Variants in NAALADL2 observed in about 807,000 individuals in gnomAD.
NAALADL2 encodes N-acetylated alpha-linked acidic dipeptidase like 2.
NAALADL2 carries 76 observed loss-of-function variants against 87.2 expected under a neutral mutation model. The observed-to-expected ratio is 0.87, with a 90% CI of 0.72 to 1.05. The LOEUF is 1.05. Ranked by LOEUF, NAALADL2 falls within the 50% of genes least tolerant of loss-of-function variation. NAALADL2 has a pLI of 0.00. For missense variants in NAALADL2, 1,089 were observed against 945.8 expected (o/e 1.15, Z -1.99); for synonymous variants, 354 against 331.0 (o/e 1.07, Z -0.75).
intron 10 of NAALADL2, among the ~76,000 whole-genome samples, chr3:175,583,887 C>T (rs1396886286): frequency 6.6e-6 from 1 of 152,110 alleles, no homozygotes; most frequent in African/African-American, 2.4e-5. Flanking sequence ...ATGATAAAGG[C>T]AAGGTAGAGC....
chr3:175,791,825 A>G (rs1752817281), intron 13 of NAALADL2, among the ~76,000 whole-genome samples: 2 of 149,836 alleles, frequency 1.3e-5, no homozygotes, highest in East Asian at 4.0e-4. Context: ...CAGCACACCT[A>G]TTTTGTGCTG....
chr3:174,873,331 T>C (rs1157985739), intron 1 of NAALADL2, among the ~76,000 whole-genome samples: 4 of 152,024 alleles, frequency 2.6e-5, no homozygotes, highest in African/African-American at 9.7e-5. Flanking sequence ...CTTGGCTCAC[T>C]GCAACCTCCG....
At chr3:174,647,280 A>T (rs1451659970) in intron 2 of NAALADL2, among the ~76,000 whole-genome samples, 1 of 152,174 alleles carries the variant, frequency 6.6e-6, no homozygotes, top group Non-Finnish European at 1.5e-5. Context: ...ATCAAAACTG[A>T]GACTTGGTCT....
At chr3:175,013,162 A>C (rs1354451051) in intron 1 of NAALADL2, among the ~76,000 whole-genome samples, 1 of 126,974 alleles carries the variant, frequency 7.9e-6, no homozygotes, top group African/African-American at 2.8e-5. Context: ...TTTATATATA[A>C]ATATGTAATA....
intron 2 of NAALADL2, among the ~76,000 whole-genome samples, chr3:174,701,656 T>C (rs1307631214): frequency 1.4e-5 from 2 of 143,078 alleles, no homozygotes; most frequent in Non-Finnish European, 3.0e-5. Flanking sequence ...ACTTTTACTA[T>C]TGATTAGTTC....
chr3:175,479,344 C>T (rs947874192), intron 9 of NAALADL2, among the ~76,000 whole-genome samples: 7 of 151,690 alleles, frequency 4.6e-5, no homozygotes, highest in African/African-American at 1.2e-4. Flanking sequence ...TTTCCCAGTG[C>T]GCATTATGAA....
chr3:175,400,473 A>T, intron 5 of NAALADL2, among the ~76,000 whole-genome samples: 1 of 152,122 alleles, frequency 6.6e-6, no homozygotes, highest in Non-Finnish European at 1.5e-5. Flanking sequence ...AAAGTGAAAG[A>T]TAAATGGGAA....
At chr3:174,967,033 C>T (rs1216971039) in intron 1 of NAALADL2, among the ~76,000 whole-genome samples, 2 of 152,130 alleles carry the variant, frequency 1.3e-5, no homozygotes, top group Non-Finnish European at 2.9e-5. Context: ...ATAAGATAGA[C>T]AATAGTGCTA....
chr3:175,371,286 A>C (rs1766451470), intron 5 of NAALADL2, among the ~76,000 whole-genome samples: 2 of 151,962 alleles, frequency 1.3e-5, no homozygotes, highest in Admixed American at 6.6e-5. Context: ...TTATTTTTTG[A>C]GACGGAGTAC....
At chr3:175,168,085 G>C (rs1477817387) in intron 2 of NAALADL2, among the ~76,000 whole-genome samples, 1 of 151,698 alleles carries the variant, frequency 6.6e-6, no homozygotes, top group East Asian at 1.9e-4. Context: ...ATTATTTTTG[G>C]TATATGTGGG....
At chr3:174,978,941 T>C (rs1050471728) in intron 1 of NAALADL2, among the ~76,000 whole-genome samples, 1 of 152,292 alleles carries the variant, frequency 6.6e-6, no homozygotes, top group African/African-American at 2.4e-5. Context: ...GATAAATAAT[T>C]TCACAGGAAA....
In NAALADL2 at chr3:175,364,848, A is replaced by G. The variant is rs555638485; in HGVS notation, c.1090+40523A>G. Among the ~76,000 whole-genome samples, 188 of 148,096 alleles carry G rather than the reference A, an allele frequency of 1.3e-3. 12 individuals carry two copies. Among genetic ancestry groups the G allele is most frequent in the African/African-American group, 4.5e-3 (182 of 40,894 alleles). ...ATACTCAAAAGACAGATCACAAGTT[A>G]GTCAGTGGAGGAAAGGAGACATATC... On this transcript the variant is annotated intron_variant, in intron 5 of 13. Coordinates refer to ENST00000454872, the MANE Select transcript of NAALADL2 (RefSeq NM_207015.3).
At chr3:175,785,913 C>A (rs1751877110) in intron 13 of NAALADL2, among the ~76,000 whole-genome samples, 1 of 150,106 alleles carries the variant, frequency 6.7e-6, no homozygotes, top group Non-Finnish European at 1.5e-5. Context: ...GTGACAAAAT[C>A]TCTCAGCATT....
At chr3:175,086,640 A>G (rs1448773044) in intron 1 of NAALADL2, among the ~76,000 whole-genome samples, 1 of 152,080 alleles carries the variant, frequency 6.6e-6, no homozygotes, top group East Asian at 1.9e-4. Context: ...ATTTAGTTTC[A>G]TATCAGCATT....
At chr3:174,884,832 T>C (rs1010481679) in intron 1 of NAALADL2, among the ~76,000 whole-genome samples, 5 of 152,152 alleles carry the variant, frequency 3.3e-5, no homozygotes, top group African/African-American at 1.2e-4. Flanking sequence ...GGTGACACTC[T>C]CAACCTCATC....
chr3:174,863,341 T>G (rs73041785), intron 1 of NAALADL2, among the ~76,000 whole-genome samples: 2,976 of 152,182 alleles, frequency 0.02, 84 homozygotes, highest in African/African-American at 0.068. Context: ...AGTTTCTATA[T>G]TTATGGTCTT....
Position 175,037,022 on chromosome 3 carries a change from G to A in NAALADL2, c.44-59768G>A, listed in dbSNP as rs1399699968. 1.1e-4 allele frequency among the ~76,000 whole-genome samples: 17 copies of A among 152,142 alleles called. No homozygotes were observed. The East Asian group carries it at 3.3e-3, about 30-fold the overall frequency. ...GGTCGTTTCTTCTGAGACCTGGACA[G>A]TAGGGGTTCTGACCGAGAGTACCCT... On this transcript the variant is annotated intron_variant, in intron 1 of 13. Transcript: ENST00000454872.
chr3:174,651,644 A>T (rs538207721), intron 2 of NAALADL2, among the ~76,000 whole-genome samples: 2 of 152,178 alleles, frequency 1.3e-5, no homozygotes, highest in Non-Finnish European at 2.9e-5. Context: ...TGTGGTTAAT[A>T]AAGGAACAGA....
intron 3 of NAALADL2, among the ~76,000 whole-genome samples, chr3:174,783,624 T>C (rs1346821789): frequency 6.6e-6 from 1 of 152,096 alleles, no homozygotes; most frequent in African/African-American, 2.4e-5. Context: ...TTAATATATA[T>C]ATATTTTTAT....
Sources: gnomAD v4.1 joint callset for allele counts (sites outside exome capture counted in the v4.1 genomes callset) on GRCh38, gnomAD v4.1.1 for gene constraint, MANE v1.5 for transcripts, NCBI Gene and HGNC (gene_info 2026-07-23, HGNC 2026-07-21) for gene names.